The following ACAD9 variants were observed in gnomAD, a reference collection of about 807,000 sequenced individuals.
The protein encoded by ACAD9 is acyl-CoA dehydrogenase family member 9, also known as complex I assembly factor ACAD9, mitochondrial.
ACAD9 carries 53 observed loss-of-function variants against 70.2 expected under a neutral mutation model. The ratio of observed to expected loss-of-function variants is 0.75; its 90% confidence interval spans 0.61 to 0.95. ACAD9 has a LOEUF of 0.95. ACAD9 is among the 40% of genes least tolerant of loss of function. The probability of loss-of-function intolerance (pLI) is 0.00; values close to 1 mark genes in which losing one functional copy is unlikely to be tolerated. For missense variants in ACAD9, 777 were observed against 802.8 expected (o/e 0.97, Z 0.39); for synonymous variants, 313 against 312.1 (o/e 1.00, Z -0.03).
At chr3:128,903,934 A>C in intron 9 of ACAD9, 128 bp from the exon 10 acceptor site, 1 of 966,250 alleles carries the variant, frequency 1.0e-6, no homozygotes, top group Non-Finnish European at 1.6e-6. Context: ...CTTCTGGGGT[A>C]TTTGACCTCA....
rs1435779305 is a variant in ACAD9, at chr3:128,909,365, G to A, written c.1507G>A (p.Glu503Lys). The change falls in exon 15 of 18, where the codon GAG becomes AAG. Residue 503 changes from glutamate (E) to lysine (K), a missense_variant. Physicochemically the swap from Glu to Lys is moderately conservative, Grantham distance 56. Coordinates refer to ENST00000308982, the MANE Select transcript of ACAD9 (RefSeq NM_014049.5). ...SLADSANKFE[E>K]NTYCFGRTVE... ...ATAGGACAGTGCCAACAAGTTTGAGGAGAACACCTACTGCTTCGGCCGGAC... is the reference window on the plus strand; with the variant it reads ...ATAGGACAGTGCCAACAAGTTTGAGAAGAACACCTACTGCTTCGGCCGGAC... 6.2e-7 allele frequency: 1 copy of A among 1,614,076 alleles called. No individual in the cohort carries two copies. The highest frequency in any genetic ancestry group is 1.3e-5 in the African/African-American group (1 of 74,926).
chr3:128,897,746 A>G, intron 6 of ACAD9, 36 bp downstream of exon 6: 1 of 1,586,784 alleles, frequency 6.3e-7, no homozygotes, highest in Non-Finnish European at 8.6e-7. Flanking sequence ...TTAGGGTCTC[A>G]GTCACAACCT....
At position 128,906,036 on chromosome 3, in the gene ACAD9, G is replaced by A. The variant is rs186712694; in HGVS notation, c.1150-85G>A. 8.7e-4 allele frequency: 1,393 copies of A among 1,594,214 alleles called. 13 individuals carry two copies. In the African/African-American group the frequency reaches 0.017, roughly 19 times the overall value. On this transcript the variant is annotated intron_variant, in intron 11 of 17. Transcript: ENST00000308982. ...CCTGGCCGATCTCCTCCCCAAGCCCGTGTGCCTCCCATGCCTCCCCAGCCA... is the reference window on the plus strand; with the variant it reads ...CCTGGCCGATCTCCTCCCCAAGCCCATGTGCCTCCCATGCCTCCCCAGCCA...
intron 3 of ACAD9, among the ~76,000 whole-genome samples, chr3:128,894,126 C>T (rs1259110127): frequency 1.3e-5 from 2 of 152,178 alleles, no homozygotes; most frequent in African/African-American, 4.8e-5. Context: ...CAAGGTAGAC[C>T]TTCAAGGTTC....
chr3:128,888,666 G>A (rs1030009057), intron 2 of ACAD9, among the ~76,000 whole-genome samples: 4 of 151,854 alleles, frequency 2.6e-5, no homozygotes, highest in Non-Finnish European at 5.9e-5. Context: ...GTGCCAAATT[G>A]TCAGCTGTCA....
Position 128,895,422 on chromosome 3 carries a change from G to A in ACAD9, c.453+6G>A, listed in dbSNP as rs1935543848. The A allele has an allele frequency of 6.3e-7, 1 of 1,598,764 alleles. No individual in the cohort carries two copies. Among genetic ancestry groups the A allele is most frequent in the Non-Finnish European group, 8.5e-7 (1 of 1,172,514 alleles). On this transcript the variant is annotated splice_donor_region_variant and intron_variant, in intron 4 of 17. Coordinates refer to ENST00000308982, the MANE Select transcript of ACAD9 (RefSeq NM_014049.5). ...ACCAGGCTATTGGCCTCAAGGTCAG[G>A]TATCTGGGGATTCTGTGTGGTGCTC... is the stretch of plus-strand genomic sequence containing the variant.
Position 128,902,722 on chromosome 3 carries a change from G to A in ACAD9, c.958+94G>A. On this transcript the variant is annotated intron_variant, in intron 9 of 17. Transcript: ENST00000308982. This position sits in a 1 kb window ranked among gnomAD's most constrained non-coding sequence, Gnocchi z 4.0. ...CTGCCATTCCCCCGGCCCCTTCCAG[G>A]CCAGTGCTGAACCAGGCTACCAGCC... The A allele has an allele frequency of 7.1e-7, 1 of 1,404,696 alleles. No individual in the cohort carries two copies. 87.0% of individuals were successfully genotyped at this position (1,404,696 alleles called of 1,614,324 possible). A position where few individuals can be genotyped will look rare whatever the true frequency, so the allele number is the denominator to read the frequency against.
chr3:128,912,807 A>G lies in ACAD9; in HGVS notation c.*200A>G. On this transcript the variant is annotated 3_prime_UTR_variant, in exon 18 of 18. Coordinates refer to ENST00000308982, the MANE Select transcript of ACAD9 (RefSeq NM_014049.5). ...GCAGGCAGTGCTCTCTAACAGGACC[A>G]TCACAGCTTCTGAACTGAGCCGGAG... 1 of 725,804 alleles carries G rather than the reference A, an allele frequency of 1.4e-6. No individual in the cohort carries two copies. Among genetic ancestry groups the G allele is most frequent in the Non-Finnish European group, 2.5e-6 (1 of 393,496 alleles). The allele number at this position is 725,804 out of a possible 1,614,324, so 45.0% of individuals were successfully genotyped here.
intron 7 of ACAD9, 61 bp downstream of exon 7, chr3:128,899,522 CGGTGTGTGTGTGTGTG>C: frequency 8.7e-7 from 1 of 1,146,340 alleles, no homozygotes; most frequent in Non-Finnish European, 1.2e-6. Flanking sequence ...TGGCCTTTGA[CGGTGTGTGTGTGTGTG>C]TGTGTGTGTG....
chr3:128,910,279 C>T (rs1035346461), intron 16 of ACAD9, 130 bp downstream of exon 16: 74 of 1,523,804 alleles, frequency 4.9e-5, no homozygotes, highest in Non-Finnish European at 5.3e-5. Context: ...ATGCGGTGGC[C>T]GTGGGAGGGT....
chr3:128,910,705 AT>A, intron 16 of ACAD9, 35 bp from the exon 17 acceptor site: 1 of 1,612,336 alleles, frequency 6.2e-7, no homozygotes, highest in Non-Finnish European at 8.5e-7. Flanking sequence ...GATTCCAGGA[AT>A]TTGGGCATAT....
chr3:128,908,697 G>T, intron 13 of ACAD9: 1 of 564,658 alleles, frequency 1.8e-6, no homozygotes, highest in Non-Finnish European at 3.2e-6. Context: ...CCAAGTACAG[G>T]TTGCTAGTAG....
chr3:128,895,319 G>A lies in ACAD9; in HGVS notation c.356G>A (p.Gly119Asp). ...GGTCCATCTCTCCTAGGTGGCCTGG[G>A]CTTCTCCAACACCATGTACTCAAGA... ...LQVPEEYGGL[G>D]FSNTMYSRLG... is the part of the protein sequence containing the mutation. The change falls in exon 4 of 18, where the codon GGC (glycine) becomes GAC (aspartate). Residue 119 changes from glycine (G) to aspartate (D), a missense_variant. Coordinates refer to ENST00000308982, the MANE Select transcript of ACAD9 (RefSeq NM_014049.5). 6.2e-7 allele frequency: 1 copy of A among 1,611,904 alleles called. No individual in the cohort carries two copies. Among genetic ancestry groups the A allele is most frequent in the Non-Finnish European group, 8.5e-7 (1 of 1,179,108 alleles).
chr3:128,908,011 C>T (rs1205119908), intron 12 of ACAD9, among the ~76,000 whole-genome samples, 174 bp from the exon 13 acceptor site: 3 of 152,228 alleles, frequency 2.0e-5, no homozygotes, highest in Non-Finnish European at 4.4e-5. Flanking sequence ...CCTCCCTCCT[C>T]ATCCCTGTGC....
intron 10 of ACAD9, 46 bp downstream of exon 10, chr3:128,904,178 T>C: frequency 6.2e-7 from 1 of 1,603,280 alleles, no homozygotes; most frequent in South Asian, 1.1e-5. Context: ...CTGTGTGACA[T>C]GAACGGTGTG....
chr3:128,882,332 G>T (rs1309131301), intron 1 of ACAD9, among the ~76,000 whole-genome samples: 3 of 152,186 alleles, frequency 2.0e-5, no homozygotes, highest in African/African-American at 7.2e-5. Context: ...TGGTGGCTCT[G>T]TTGTTCCACC....
At chr3:128,892,068 A>G (rs961529237) in intron 2 of ACAD9, among the ~76,000 whole-genome samples, 1 of 152,222 alleles carries the variant, frequency 6.6e-6, no homozygotes, top group African/African-American at 2.4e-5. Flanking sequence ...GGATTCATTT[A>G]TATAAAACTT....
At chr3:128,910,238 T>C in intron 16 of ACAD9, 89 bp downstream of exon 16, 3 of 1,592,612 alleles carry the variant, frequency 1.9e-6, no homozygotes, top group African/African-American at 1.3e-5. Flanking sequence ...GAGGGTGTGG[T>C]CGGGTGTGGG....
At chr3:128,884,550 A>G (rs1394360189) in intron 1 of ACAD9, 103 bp from the exon 2 acceptor site, 3 of 819,816 alleles carry the variant, frequency 3.7e-6, no homozygotes, top group African/African-American at 1.7e-5. Flanking sequence ...CCCGCTGGCC[A>G]GGGTGGAGTG....
Sources: gnomAD v4.1 joint callset for allele counts (sites outside exome capture counted in the v4.1 genomes callset) on GRCh38, gnomAD v4.1.1 for gene constraint, Gnocchi (gnomAD v3.1) non-coding constraint, MANE v1.5 for transcripts, NCBI Gene and HGNC (gene_info 2026-07-23, HGNC 2026-07-21) for gene names.